ARHGAP31: variants seen among roughly 807,000 people sequenced by gnomAD.
ARHGAP31 encodes the protein rho GTPase-activating protein 31.
Under a neutral mutation model 113.9 loss-of-function variants are expected in ARHGAP31, and 34 were observed. The ratio of observed to expected loss-of-function variants is 0.30; its 90% CI spans 0.23 to 0.40. The LOEUF (loss-of-function observed/expected upper bound fraction) is 0.40, where lower values mean the gene tolerates loss of function less well. ARHGAP31 is among the 10% of genes least tolerant of loss of function. ARHGAP31 has a pLI of 1.00. For missense variants in ARHGAP31, 1,548 were observed against 1,767.1 expected (o/e 0.88, Z 2.22); for synonymous variants, 650 against 684.8 (o/e 0.95, Z 0.79).
intron 1 of ARHGAP31, among the ~76,000 whole-genome samples, chr3:119,335,199 C>T (rs1254759724): frequency 6.6e-6 from 1 of 152,150 alleles, no homozygotes; most frequent in Admixed American, 6.5e-5. Context: ...GCATGGGAAG[C>T]AGAAGCCATA....
intron 1 of ARHGAP31, among the ~76,000 whole-genome samples, chr3:119,363,770 A>T: frequency 6.6e-6 from 1 of 152,336 alleles, no homozygotes; most frequent in Middle Eastern, 3.4e-3. Flanking sequence ...ATTAGCATTG[A>T]TGTAATCTAC....
chr3:119,391,905 C>G (rs533670670), intron 7 of ARHGAP31, among the ~76,000 whole-genome samples: 1 of 152,182 alleles, frequency 6.6e-6, no homozygotes, highest in South Asian at 2.1e-4. Flanking sequence ...AGACTCAGCC[C>G]CACTGCTCCT....
Position 119,401,848 on chromosome 3 carries a change from C to T in ARHGAP31, c.1096C>T (p.Arg366Ter). ...EGKETKGNFN[R>*]TVTTGGFFIP... ...AAAAGAAACCAAGGGAAATTTCAAT[C>T]GAACAGTTACCACCGGTGGATTTTT... Residue 366 changes from arginine (R) to a stop codon, truncating the protein, a stop_gained, in exon 10 of 12, where the codon CGA becomes TGA. Transcript: ENST00000264245. LOFTEE classifies it high-confidence loss of function. The T allele has an allele frequency of 6.2e-7, 1 of 1,613,986 alleles. No homozygotes were observed. Among genetic ancestry groups the T allele is most frequent in the Non-Finnish European group, 8.5e-7 (1 of 1,180,002 alleles).
At chr3:119,409,848 A>T in intron 11 of ARHGAP31, 72 bp downstream of exon 11, 1 of 1,460,898 alleles carries the variant, frequency 6.8e-7, no homozygotes, top group Non-Finnish European at 9.1e-7. Flanking sequence ...TACAATTTAA[A>T]GTAAATTGAA....
chr3:119,357,914 T>G (rs941070067), intron 1 of ARHGAP31, among the ~76,000 whole-genome samples: 2 of 152,246 alleles, frequency 1.3e-5, no homozygotes, highest in African/African-American at 4.8e-5. Context: ...GATGAACCAT[T>G]ATTCCAATAA....
intron 9 of ARHGAP31, among the ~76,000 whole-genome samples, chr3:119,400,253 G>A (rs1048207470): frequency 1.3e-5 from 2 of 152,126 alleles, no homozygotes; most frequent in Non-Finnish European, 2.9e-5. Context: ...CCAACATGGT[G>A]AAATCCTCTC....
intron 6 of ARHGAP31, among the ~76,000 whole-genome samples, chr3:119,390,403 G>T (rs1458868987): frequency 6.6e-6 from 1 of 152,254 alleles, no homozygotes; most frequent in African/African-American, 2.4e-5. Context: ...TGGCTGGACA[G>T]ACATATTCCC....
chr3:119,301,301 C>G (rs1559959593), intron 1 of ARHGAP31, among the ~76,000 whole-genome samples: 1 of 152,220 alleles, frequency 6.6e-6, no homozygotes, highest in Non-Finnish European at 1.5e-5. Context: ...TAAGGAAGCC[C>G]ACTCCCTTGT....
At chr3:119,374,158 G>A (rs975279432) in intron 3 of ARHGAP31, among the ~76,000 whole-genome samples, 1 of 152,196 alleles carries the variant, frequency 6.6e-6, no homozygotes, top group Admixed American at 6.5e-5. Flanking sequence ...AATGTTGGAG[G>A]TAGGGTCCTA....
chr3:119,312,715 T>G (rs1345491965), intron 1 of ARHGAP31, among the ~76,000 whole-genome samples: 3 of 152,224 alleles, frequency 2.0e-5, no homozygotes. Context: ...CTAGACAGAT[T>G]CATCTAATTC....
intron 1 of ARHGAP31, among the ~76,000 whole-genome samples, chr3:119,361,410 C>G (rs1229337770): frequency 2.1e-5 from 3 of 142,490 alleles, no homozygotes; most frequent in Non-Finnish European, 3.0e-5. Context: ...GAGTCAGAGT[C>G]TAGCTTTGTC....
chr3:119,403,993 GT>G (rs1187559289), intron 10 of ARHGAP31, among the ~76,000 whole-genome samples: 3 of 152,206 alleles, frequency 2.0e-5, no homozygotes, highest in African/African-American at 7.2e-5. Context: ...GAAGATGTGA[GT>G]AAATATTAGT....
intron 5 of ARHGAP31, 31 bp downstream of exon 5, chr3:119,382,430 C>G: frequency 6.3e-7 from 1 of 1,588,614 alleles, no homozygotes; most frequent in Non-Finnish European, 8.6e-7. Flanking sequence ...TTGTCACCAG[C>G]CCAGGGGGCT....
chr3:119,381,901 G>T (rs994262850), intron 4 of ARHGAP31, among the ~76,000 whole-genome samples: 5 of 151,704 alleles, frequency 3.3e-5, no homozygotes, highest in Admixed American at 3.3e-4. Context: ...CCAGAGAATG[G>T]CGTGAACCCG....
Position 119,294,709 on chromosome 3 carries a change from G to C in ARHGAP31, c.-196G>C. On this transcript the variant is annotated 5_prime_UTR_variant, in exon 1 of 12. Coordinates refer to ENST00000264245, the MANE Select transcript of ARHGAP31 (RefSeq NM_020754.4). ...CGGCACGGCGGCCCCGGAGCGGCGC[G>C]GGGTGGATCTCAGGCTCTGCCGGCC... is the stretch of plus-strand genomic sequence containing the variant. 1.6e-6 allele frequency: 1 copy of C among 618,550 alleles called. No homozygotes were observed. The highest frequency in any genetic ancestry group is 2.9e-6 in the Non-Finnish European group (1 of 349,876). The allele number at this position is 618,550 out of a possible 1,614,324, so 38.3% of individuals were successfully genotyped here. A position where few individuals can be genotyped will look rare whatever the true frequency, so the allele number is the denominator to read the frequency against.
intron 10 of ARHGAP31, among the ~76,000 whole-genome samples, chr3:119,406,343 A>T (rs1490478470): frequency 6.6e-6 from 1 of 152,226 alleles, no homozygotes; most frequent in African/African-American, 2.4e-5. Flanking sequence ...AATGTTAAAA[A>T]ATATATATTT....
rs541738402 is a variant in ARHGAP31 at position 119,355,652 on chromosome 3, C to T, written c.101-9664C>T. Among the ~76,000 whole-genome samples the T allele has an allele frequency of 2.0e-5, 3 of 152,202 alleles. No homozygotes were observed. The East Asian group carries it at 5.8e-4, about 29-fold the overall frequency. ...CCTCCCCTATCCCCCCATCTCACGA[C>T]AGGCCCCGGTGTGTGATGTTCCCCA... On this transcript the variant is annotated intron_variant, in intron 1 of 11. Transcript: ENST00000264245.
At chr3:119,335,043 A>G (rs1054839685) in intron 1 of ARHGAP31, among the ~76,000 whole-genome samples, 1 of 152,050 alleles carries the variant, frequency 6.6e-6, no homozygotes, top group Non-Finnish European at 1.5e-5. Flanking sequence ...GAACACTTGT[A>G]TGTTGATTGC....
At chr3:119,404,243 G>A (rs1415769596) in intron 10 of ARHGAP31, among the ~76,000 whole-genome samples, 2 of 152,096 alleles carry the variant, frequency 1.3e-5, no homozygotes, top group South Asian at 2.1e-4. Flanking sequence ...GGCCCCATGG[G>A]GTCTTTTAGA....
Sources: allele counts gnomAD v4.1 joint callset (sites outside exome capture counted in the v4.1 genomes callset), GRCh38; gene constraint gnomAD v4.1.1; transcripts MANE v1.5; gene names NCBI Gene and HGNC (gene_info 2026-07-23, HGNC 2026-07-21).